Variants in VWA2 observed in about 807,000 individuals in gnomAD.
VWA2 encodes von Willebrand factor A domain-containing protein 2.
VWA2 carries 73 observed loss-of-function variants against 70.4 expected under a neutral mutation model. The ratio of observed to expected loss-of-function variants is 1.04; its 90% CI spans 0.86 to 1.26. The LOEUF is 1.26. Ranked by LOEUF, VWA2 falls within the 50% of genes most tolerant of loss-of-function variation. The probability of loss-of-function intolerance (pLI) is 0.00; values close to 1 mark genes in which losing one functional copy is unlikely to be tolerated. For synonymous variants in VWA2, 407 were observed against 423.3 expected (o/e 0.96, Z 0.47); for missense variants, 1,011 against 998.5 (o/e 1.01, Z -0.17).
intron 5 of VWA2, 145 bp from the exon 6 acceptor site, chr10:114,272,595 G>A (rs764181339): frequency 1.2e-5 from 8 of 688,588 alleles, no homozygotes; most frequent in Admixed American, 8.6e-5. Context: ...TGGTTTAGAT[G>A]GTAGAACTAT....
intron 5 of VWA2, among the ~76,000 whole-genome samples, chr10:114,271,993 C>T (rs1050634683): frequency 2.0e-5 from 3 of 152,216 alleles, no homozygotes; most frequent in African/African-American, 7.2e-5. Flanking sequence ...GTCCAGCTGA[C>T]ACTCAAAGCT....
intron 1 of VWA2, among the ~76,000 whole-genome samples, chr10:114,245,445 C>T (rs1279969615): frequency 6.6e-6 from 1 of 152,154 alleles, no homozygotes; most frequent in Non-Finnish European, 1.5e-5. Flanking sequence ...AGTCTCCTGC[C>T]AGTGCCCAGG....
intron 8 of VWA2, among the ~76,000 whole-genome samples, chr10:114,280,155 A>G (rs775402690): frequency 6.6e-6 from 1 of 152,196 alleles, no homozygotes; most frequent in Non-Finnish European, 1.5e-5. Context: ...CGGTGATTTA[A>G]TAGGTAGATG....
chr10:114,279,232 C>T (rs1268356409), intron 8 of VWA2, among the ~76,000 whole-genome samples: 1 of 152,274 alleles, frequency 6.6e-6, no homozygotes, highest in East Asian at 1.9e-4. Context: ...GGATAGAGAT[C>T]CTCAGATGAA....
intron 6 of VWA2, among the ~76,000 whole-genome samples, chr10:114,275,552 G>A (rs1381116682): frequency 1.1e-5 from 1 of 87,408 alleles, no homozygotes; most frequent in Non-Finnish European, 2.1e-5. Flanking sequence ...CTGGAACAGT[G>A]CCTCTCAAAC....
At chr10:114,273,782 A>G (rs1441142305) in intron 6 of VWA2, among the ~76,000 whole-genome samples, 2 of 152,258 alleles carry the variant, frequency 1.3e-5, no homozygotes, top group Non-Finnish European at 2.9e-5. Context: ...CTTAGAATAC[A>G]GAGACAATAA....
rs1401104795 is a variant in VWA2, at chr10:114,277,958, A to G, written c.611A>G (p.His204Arg). 6.8e-6 allele frequency: 11 copies of G among 1,612,592 alleles called. No homozygotes were observed. Among genetic ancestry groups the G allele is most frequent in the Non-Finnish European group, 9.3e-6 (11 of 1,179,634 alleles). ...HALASEPRGQ[H>R]VLLAEQVEDA... ...CTGGCCAGCGAGCCTAGAGGGCAGC[A>G]CGTGCTGTTGGCTGAGCAGGTGGAG... Residue 204 changes from histidine (H) to arginine (R), a missense_variant, in exon 7 of 14, where the codon CAC (histidine) becomes CGC (arginine). Coordinates refer to ENST00000392982, the MANE Select transcript of VWA2 (RefSeq NM_001272046.2).
chr10:114,261,573 G>C (rs750451192), intron 5 of VWA2, among the ~76,000 whole-genome samples: 1 of 152,202 alleles, frequency 6.6e-6, no homozygotes, highest in African/African-American at 2.4e-5. Flanking sequence ...TGAAGGTCAC[G>C]AATGGGGTTA....
rs2039447056 is a variant in VWA2, at chr10:114,290,319, C to T, written c.2202C>T (p.Tyr734=). ...EGSCVLQNGS[Y]RCKCRDGWEG... ...GCTGCGTCCTGCAGAATGGGAGCTA[C>T]CGCTGCAAGTGTCGGGATGGCTGGG... is the stretch of plus-strand genomic sequence containing the variant. The change falls in exon 13 of 14, where the codon TAC becomes TAT. Residue 734 remains tyrosine (Y), a synonymous_variant. Coordinates refer to ENST00000392982, the MANE Select transcript of VWA2 (RefSeq NM_001272046.2). The T allele has an allele frequency of 6.4e-7, 1 of 1,550,486 alleles. No homozygotes were observed. Among genetic ancestry groups the T allele is most frequent in the South Asian group, 1.2e-5 (1 of 84,074 alleles).
chr10:114,267,149 T>C (rs2037587503), intron 5 of VWA2, among the ~76,000 whole-genome samples: 1 of 152,152 alleles, frequency 6.6e-6, no homozygotes, highest in Admixed American at 6.6e-5. Flanking sequence ...AGTTTCACTC[T>C]TGTCACCCAG....
intron 8 of VWA2, among the ~76,000 whole-genome samples, chr10:114,280,479 C>G (rs917558223): frequency 6.6e-5 from 10 of 152,052 alleles, no homozygotes; most frequent in Non-Finnish European, 8.8e-5. Context: ...AATGGAGTGG[C>G]CAGGGAGGGC....
Position 114,260,169 on chromosome 10 carries a change from G to GT in VWA2, c.262-1016dup, listed in dbSNP as rs1238646670. On this transcript the variant is annotated intron_variant, in intron 4 of 13. Coordinates refer to ENST00000392982, the MANE Select transcript of VWA2 (RefSeq NM_001272046.2). Reference sequence around the variant, plus strand: ...GGGGTTTTGGAGAACCAATGATTAGGTGCAGGCCTTGGGCCCTCGGGAGGA... The same window carrying GT: ...GGGGTTTTGGAGAACCAATGATTAGGTTGCAGGCCTTGGGCCCTCGGGAGGA... Among the ~76,000 whole-genome samples, 23 of 152,192 alleles carry GT rather than the reference G, an allele frequency of 1.5e-4. 1 individual carries two copies. The highest frequency in any genetic ancestry group is 5.6e-4 in the African/African-American group (23 of 41,436).
At chr10:114,289,900 G>A (rs2039387436) in intron 12 of VWA2, 1 of 317,622 alleles carries the variant, frequency 3.1e-6, no homozygotes, top group Admixed American at 4.4e-5. Context: ...AAAGAGACAG[G>A]AGAATCACTT....
At chr10:114,288,880 C>T (rs1044548082) in intron 11 of VWA2, 58 bp from the exon 12 acceptor site, 12 of 1,545,574 alleles carry the variant, frequency 7.8e-6, no homozygotes, top group East Asian at 2.3e-5. Context: ...CCCTGGGTCC[C>T]GTCGAGGGGC....
intron 1 of VWA2, among the ~76,000 whole-genome samples, chr10:114,246,985 G>A (rs939521994): frequency 1.3e-5 from 2 of 152,074 alleles, no homozygotes; most frequent in Middle Eastern, 3.2e-3. Context: ...CGCTGCAGCT[G>A]CCCCCTCAGC....
At chr10:114,290,174 G>A in intron 12 of VWA2, 66 bp from the exon 13 acceptor site, 1 of 1,537,332 alleles carries the variant, frequency 6.5e-7, no homozygotes, top group Non-Finnish European at 8.8e-7. Context: ...GGCTTACTTA[G>A]GGTAGGGGTC....
In VWA2 at chr10:114,292,759, G is replaced by A. The variant is rs1451932379; in HGVS notation, c.*1522G>A. The stretch of plus-strand genomic sequence containing the variant: ...TTGCTCTTGTTGCCCAGGCTAGAGT[G>A]CAGTGGTACAATCTTGGCTCACTGC... On this transcript the variant is annotated 3_prime_UTR_variant, in exon 14 of 14. Transcript: ENST00000392982. Among the ~76,000 whole-genome samples the A allele has an allele frequency of 6.6e-6, 1 of 151,970 alleles. No homozygotes were observed. Among genetic ancestry groups the A allele is most frequent in the African/African-American group, 2.4e-5 (1 of 41,350 alleles).
intron 5 of VWA2, among the ~76,000 whole-genome samples, chr10:114,269,480 C>T (rs150031608): frequency 5.1e-4 from 77 of 152,248 alleles, no homozygotes; most frequent in African/African-American, 1.7e-3. Flanking sequence ...ACTCGGGAGG[C>T]TGAGGCAGGA....
intron 9 of VWA2, among the ~76,000 whole-genome samples, chr10:114,283,435 G>T (rs1215012661): frequency 2.0e-5 from 3 of 152,144 alleles, no homozygotes; most frequent in Non-Finnish European, 4.4e-5. Flanking sequence ...GGGGTTAGGT[G>T]ATCCCTTCAG....
Sources: gnomAD v4.1 joint callset for allele counts (sites outside exome capture counted in the v4.1 genomes callset) on GRCh38, gnomAD v4.1.1 for gene constraint, MANE v1.5 for transcripts, NCBI Gene and HGNC (gene_info 2026-07-23, HGNC 2026-07-21) for gene names.